Variants in GMEB1 observed in about 807,000 individuals in gnomAD.
The protein encoded by GMEB1 is glucocorticoid modulatory element-binding protein 1.
In GMEB1, 6 loss-of-function variants were observed where a neutral mutation model predicts 52.4. The ratio of observed to expected loss-of-function variants is 0.11; its 90% confidence interval spans 0.06 to 0.23. The LOEUF is 0.23. Ranked by LOEUF, GMEB1 falls within the 10% of genes least tolerant of loss-of-function variation. The probability of loss-of-function intolerance (pLI) is 1.00; values close to 1 mark genes in which losing one functional copy is unlikely to be tolerated. For missense variants in GMEB1, 486 were observed against 685.6 expected, an observed-to-expected ratio of 0.71 and a Z score of 3.25; for synonymous variants, 255 against 244.9, an observed-to-expected ratio of 1.04 and a Z score of -0.38.
At chr1:28,672,930 T>C (rs1188632773) in intron 1 of GMEB1, among the ~76,000 whole-genome samples, 1 of 151,392 alleles carries the variant, frequency 6.6e-6, no homozygotes, top group Non-Finnish European at 1.5e-5. Flanking sequence ...AGTTTTGCTC[T>C]TGTTGCCCAG....
At chr1:28,669,008 G>A (rs1473378484) in intron 1 of GMEB1, among the ~76,000 whole-genome samples, 169 bp downstream of exon 1, 1 of 144,940 alleles carries the variant, frequency 6.9e-6, no homozygotes, top group Non-Finnish European at 1.5e-5. Context: ...GCCGCCGCCG[G>A]GGAGCGAGCG....
In GMEB1 at chr1:28,712,988, T is replaced by C. The variant is rs942571277; in HGVS notation, c.992-1085T>C. ...TAACATGGTGAAACCCTGTCTCTAC[T>C]AAAATACAAAAAAAAAAACATTAGC... On this transcript the variant is annotated intron_variant, in intron 9 of 9. Transcript: ENST00000373816. Among the ~76,000 whole-genome samples the C allele has an allele frequency of 3.2e-4, 21 of 65,314 alleles. 1 individual carries two copies. Among genetic ancestry groups the C allele is most frequent in the Non-Finnish European group, 5.5e-4 (18 of 32,966 alleles). The allele number at this position is 65,314 out of a possible 152,430, so 42.8% of individuals were successfully genotyped here.
intron 2 of GMEB1, among the ~76,000 whole-genome samples, chr1:28,685,210 C>CT (rs779541175): frequency 9.1e-4 from 131 of 143,512 alleles, no homozygotes; most frequent in South Asian, 4.2e-3. Context: ...AAAAGGGGTT[C>CT]TTTTTTTTTT....
At chr1:28,685,559 G>A (rs1053320358) in intron 2 of GMEB1, among the ~76,000 whole-genome samples, 2 of 152,078 alleles carry the variant, frequency 1.3e-5, no homozygotes, top group Non-Finnish European at 2.9e-5. Context: ...ATGCCTTAAC[G>A]TTTTGAACAT....
At chr1:28,685,940 C>T (rs1669620920) in intron 2 of GMEB1, among the ~76,000 whole-genome samples, 1 of 152,148 alleles carries the variant, frequency 6.6e-6, no homozygotes, top group African/African-American at 2.4e-5. Context: ...GCTTAGGCGA[C>T]AGAGAGAGAC....
chr1:28,687,352 ACACACACACACACAC>A (rs1669696811), intron 2 of GMEB1, among the ~76,000 whole-genome samples: 4 of 45,250 alleles, frequency 8.8e-5, no homozygotes, highest in Non-Finnish European at 9.9e-5. Flanking sequence ...ACACACACAC[ACACACACACACACAC>A]ACACACACAC....
intron 1 of GMEB1, among the ~76,000 whole-genome samples, chr1:28,680,759 C>G (rs1197757170): frequency 1.3e-5 from 2 of 150,896 alleles, no homozygotes; most frequent in Non-Finnish European, 3.0e-5. Context: ...AAAAGCAATC[C>G]TTGGAATCCT....
chr1:28,669,146 C>G (rs1668760043), intron 1 of GMEB1, among the ~76,000 whole-genome samples: 1 of 150,706 alleles, frequency 6.6e-6, no homozygotes. Context: ...CGGGAACCGG[C>G]GAGTCCACCA....
intron 6 of GMEB1, among the ~76,000 whole-genome samples, chr1:28,699,433 CCT>C (rs1670386900): frequency 6.6e-6 from 1 of 151,740 alleles, no homozygotes; most frequent in South Asian, 2.1e-4. Context: ...TGTAAATTGA[CCT>C]CTTTTTTTTT....
chr1:28,702,417 C>T, intron 6 of GMEB1, 21 bp from the exon 7 acceptor site: 1 of 1,609,166 alleles, frequency 6.2e-7, no homozygotes, highest in Non-Finnish European at 8.5e-7. Context: ...ACTGTTCTCA[C>T]CTCTACTGGA....
At chr1:28,705,183 G>A (rs1160479268) in intron 8 of GMEB1, among the ~76,000 whole-genome samples, 1 of 150,648 alleles carries the variant, frequency 6.6e-6, no homozygotes, top group African/African-American at 2.4e-5. Context: ...GAGGTCAGGA[G>A]TTCGAGACCA....
At chr1:28,695,754 C>T (rs1294030904) in intron 5 of GMEB1, among the ~76,000 whole-genome samples, 8 of 145,268 alleles carry the variant, frequency 5.5e-5, no homozygotes, top group Admixed American at 2.0e-4. Context: ...CCGGCTAAAA[C>T]GGTGAAACCC....
rs532122403 is a variant in GMEB1 at position 28,700,933 on chromosome 1, T to C, written c.599-1505T>C. On this transcript the variant is annotated intron_variant, in intron 6 of 9. Transcript: ENST00000373816. The stretch of plus-strand genomic sequence containing the variant: ...GTCCACTTTTATGCAGCTTTTTTTT[T>C]CCCAACCAAACATGGATGGAAAATA... Among the ~76,000 whole-genome samples the C allele has an allele frequency of 4.8e-4, 73 of 152,120 alleles. 2 individuals carry two copies. The South Asian group carries it at 8.7e-3, about 18-fold the overall frequency.
intron 1 of GMEB1, among the ~76,000 whole-genome samples, chr1:28,678,605 G>A (rs781538631): frequency 1.4e-4 from 21 of 151,672 alleles, no homozygotes; most frequent in African/African-American, 3.6e-4. Flanking sequence ...CACCGCGTCC[G>A]TCTCTTTTCT....
In GMEB1 at chr1:28,714,558, G is replaced by A. The variant is rs1250952690; in HGVS notation, c.1477G>A (p.Gly493Ser). Residue 493 changes from glycine to serine, a missense_variant, in exon 10 of 10, where the codon GGC becomes AGC. By Grantham distance (56) the Gly-to-Ser change is moderately conservative. This residue lies in a region of GMEB1 where 153 missense variants were observed against 200.8 expected (regional missense o/e 0.76). Transcript: ENST00000373816. Reference protein sequence around the residue: ...SPVELVAMESGLTSAIQAVES... With the variant: ...SPVELVAMESSLTSAIQAVES... ...TGTGGAATTGGTGGCCATGGAGTCC[G>A]GCCTAACCTCGGCAATTCAGGCTGT... 2 of 1,614,166 alleles carry A rather than the reference G, an allele frequency of 1.2e-6. No homozygotes were observed. The highest frequency in any genetic ancestry group is 1.7e-5 in the Admixed American group (1 of 60,016).
chr1:28,670,177 GT>G (rs1246340395), intron 1 of GMEB1, among the ~76,000 whole-genome samples: 2 of 80,288 alleles, frequency 2.5e-5, no homozygotes, highest in African/African-American at 3.1e-5. Context: ...TTATTTATTT[GT>G]TTTTTGAGAC....
chr1:28,677,476 C>T (rs1428473640), intron 1 of GMEB1, among the ~76,000 whole-genome samples: 4 of 152,098 alleles, frequency 2.6e-5, no homozygotes, highest in Non-Finnish European at 5.9e-5. Context: ...GGATTACAGG[C>T]GTGAGCCACC....
Position 28,716,538 on chromosome 1 carries a change from T to C in GMEB1, c.*1765T>C, listed in dbSNP as rs762783466. ...GTGCCTGCCTGCCTTCGTCCCCTTT[T>C]AGATTCATTTATACCACAGATGTTT... On this transcript the variant is annotated 3_prime_UTR_variant, in exon 10 of 10. Transcript: ENST00000373816. 4 of 152,192 alleles carry C rather than the reference T, an allele frequency of 2.6e-5. No homozygotes were observed. Among genetic ancestry groups the C allele is most frequent in the Non-Finnish European group, 5.9e-5 (4 of 68,058 alleles). 9.4% of individuals were successfully genotyped at this position (152,192 alleles called of 1,614,324 possible). A position where few individuals can be genotyped will look rare whatever the true frequency, so the allele number is the denominator to read the frequency against.
chr1:28,682,987 T>G (rs752364076), intron 1 of GMEB1, among the ~76,000 whole-genome samples: 1 of 152,018 alleles, frequency 6.6e-6, no homozygotes, highest in African/African-American at 2.4e-5. Flanking sequence ...TTGGAAGAGA[T>G]ATGTGTGCAC....
Sources: gnomAD v4.1 joint callset for allele counts (sites outside exome capture counted in the v4.1 genomes callset) on GRCh38, gnomAD v4.1.1 for gene constraint, gnomAD v4.1.1 regional missense constraint, MANE v1.5 for transcripts, NCBI Gene and HGNC (gene_info 2026-07-23, HGNC 2026-07-21) for gene names.